Variants in HIF1AN observed in about 807,000 individuals in gnomAD.
HIF1AN encodes the protein hypoxia-inducible factor 1-alpha inhibitor.
Under a neutral mutation model 47.7 loss-of-function variants are expected in HIF1AN, and 21 were observed. The observed-to-expected ratio is 0.44, with a 90% CI of 0.31 to 0.63. The LOEUF (loss-of-function observed/expected upper bound fraction) is 0.63, where lower values mean the gene tolerates loss of function less well. Among genes scored for constraint, HIF1AN ranks in the 30% least tolerant of loss-of-function variants. HIF1AN has a pLI of 0.07. For synonymous variants in HIF1AN, 152 were observed against 155.9 expected, an observed-to-expected ratio of 0.98 and a Z score of 0.18; for missense variants, 320 against 432.7, an observed-to-expected ratio of 0.74 and a Z score of 2.31.
Position 100,549,043 on chromosome 10 carries a change from G to GTGTGTGT in HIF1AN, c.*906_*907insTGTGTGT, listed in dbSNP as rs1564664597. ...TCCACACTAGGGGTGCAAGCCTCTGGGTGTGTGTGTGTGTGTGCGTGCGTG... is the reference window on the plus strand; with the variant it reads ...TCCACACTAGGGGTGCAAGCCTCTGGTGTGTGTGTGTGTGTGTGTGTGTGCGTGCGTG... On this transcript the variant is annotated 3_prime_UTR_variant, in exon 8 of 8. Transcript: ENST00000299163. 3.6e-5 allele frequency: 4 copies of GTGTGTGT among 111,626 alleles called. No individual in the cohort carries two copies. The highest frequency in any genetic ancestry group is 1.1e-4 in the African/African-American group (3 of 27,824). 6.9% of individuals were successfully genotyped at this position (111,626 alleles called of 1,614,324 possible).
chr10:100,541,870 C>T (rs1434640774), intron 3 of HIF1AN, among the ~76,000 whole-genome samples: 1 of 152,128 alleles, frequency 6.6e-6, no homozygotes, highest in Non-Finnish European at 1.5e-5. Context: ...GTTACACAAA[C>T]CTAGATTGTG....
At chr10:100,541,760 C>A (rs974480574) in intron 3 of HIF1AN, among the ~76,000 whole-genome samples, 4 of 152,140 alleles carry the variant, frequency 2.6e-5, no homozygotes, top group Non-Finnish European at 5.9e-5. Flanking sequence ...ATATTAGGGA[C>A]CTCTCTGAAA....
Position 100,553,300 on chromosome 10 carries a change from T to A in HIF1AN, c.*5163T>A, listed in dbSNP as rs1843183400. The A allele has an allele frequency of 6.6e-6, 1 of 152,234 alleles. No individual in the cohort carries two copies. The highest frequency in any genetic ancestry group is 6.5e-5 in the Admixed American group (1 of 15,284). 9.4% of individuals were successfully genotyped at this position (152,234 alleles called of 1,614,324 possible). A position where few individuals can be genotyped will look rare whatever the true frequency, so the allele number is the denominator to read the frequency against. On this transcript the variant is annotated 3_prime_UTR_variant, in exon 8 of 8. Coordinates refer to ENST00000299163, the MANE Select transcript of HIF1AN (RefSeq NM_017902.3). ...TCTGTGTGCCTTAGGGATCAGTAGT[T>A]CAGGGGTGGTGGACTTTTTTGAGTG...
At position 100,544,938 on chromosome 10, in the gene HIF1AN, TTTC is replaced by T. The variant is rs767031602; in HGVS notation, c.578-7_578-5del. ...CCACTGCTCTGCATAAGAAAATGCCTTTCTTCTTACAGGAAATGTGACACCTGC... is the reference window on the plus strand; with the variant it reads ...CCACTGCTCTGCATAAGAAAATGCCTTTCTTACAGGAAATGTGACACCTGC... On this transcript the variant is annotated splice_polypyrimidine_tract_variant and intron_variant, in intron 3 of 7. Coordinates refer to ENST00000299163, the MANE Select transcript of HIF1AN (RefSeq NM_017902.3). The T allele has an allele frequency of 9.9e-6, 16 of 1,613,820 alleles. No homozygotes were observed. In the East Asian group the frequency reaches 3.1e-4, roughly 31 times the overall value.
At chr10:100,541,963 A>G (rs1464114203) in intron 3 of HIF1AN, among the ~76,000 whole-genome samples, 1 of 152,214 alleles carries the variant, frequency 6.6e-6, no homozygotes, top group Non-Finnish European at 1.5e-5. Flanking sequence ...ACTGTGCTGA[A>G]TATTATAGTC....
At chr10:100,542,454 C>T (rs542920835) in intron 3 of HIF1AN, among the ~76,000 whole-genome samples, 4 of 152,198 alleles carry the variant, frequency 2.6e-5, no homozygotes, top group South Asian at 4.2e-4. Context: ...CCCAGGTTCA[C>T]GCCATTCTCC....
rs1262619224 is a variant in HIF1AN at position 100,536,657 on chromosome 10, G to A, written c.424G>A (p.Glu142Lys). 6.8e-6 allele frequency: 11 copies of A among 1,613,844 alleles called. No individual in the cohort carries two copies. Among genetic ancestry groups the A allele is most frequent in the Non-Finnish European group, 9.3e-6 (11 of 1,179,928 alleles). Residue 142 changes from glutamate to lysine, a missense_variant, in exon 2 of 8, where the codon GAG becomes AAG. Coordinates refer to ENST00000299163, the MANE Select transcript of HIF1AN (RefSeq NM_017902.3). ...GGATATACAGCAGCGAGGAGGGGAA[G>A]AGAGGTAAATTCCGAAAGCTTAATT... is the stretch of plus-strand genomic sequence containing the variant. ...LQDIQQRGGE[E>K]RLYLQQTLND...
chr10:100,544,881 C>G (rs1383988394), intron 3 of HIF1AN, 70 bp from the exon 4 acceptor site: 2 of 1,477,950 alleles, frequency 1.4e-6, no homozygotes, highest in Non-Finnish European at 1.9e-6. Context: ...CTCTTTAGCA[C>G]TGGGTCCTGT....
Position 100,552,168 on chromosome 10 carries a change from CAG to C in HIF1AN, c.*4032_*4033del, listed in dbSNP as rs1431607686. 4 of 152,268 alleles carry C rather than the reference CAG, an allele frequency of 2.6e-5. No homozygotes were observed. The highest frequency in any genetic ancestry group is 9.6e-5 in the African/African-American group (4 of 41,464). The allele number at this position is 152,268 out of a possible 1,614,324, so 9.4% of individuals were successfully genotyped here. On this transcript the variant is annotated 3_prime_UTR_variant, in exon 8 of 8. Coordinates refer to ENST00000299163, the MANE Select transcript of HIF1AN (RefSeq NM_017902.3). ...CTGCTGTCCTTTCAAACTTCAAGGA[CAG>C]TATTAATTTATACTAGTATTTCTTC...
Position 100,551,110 on chromosome 10 carries a change from T to C in HIF1AN, c.*2973T>C, listed in dbSNP as rs1181142385. 6.6e-6 allele frequency: 1 copy of C among 152,040 alleles called. No individual in the cohort carries two copies. The highest frequency in any genetic ancestry group is 6.6e-5 in the Admixed American group (1 of 15,264). 9.4% of individuals were successfully genotyped at this position (152,040 alleles called of 1,614,324 possible). ...CTAGTGTTTTGTAAAGTCAAATATT[T>C]GTTGGGGGTTGGAGTTCTGGGGTTG... On this transcript the variant is annotated 3_prime_UTR_variant, in exon 8 of 8. Transcript: ENST00000299163.
At chr10:100,542,552 T>C (rs1843048257) in intron 3 of HIF1AN, among the ~76,000 whole-genome samples, 2 of 152,136 alleles carry the variant, frequency 1.3e-5, no homozygotes. Context: ...AGATGGGGTT[T>C]CACCGTGTTA....
rs1216285885 is a variant in HIF1AN, at chr10:100,555,107, G to A, written c.*6970G>A. 6.6e-6 allele frequency: 1 copy of A among 152,210 alleles called. No homozygotes were observed. Among genetic ancestry groups the A allele is most frequent in the Non-Finnish European group, 1.5e-5 (1 of 68,042 alleles). The allele number at this position is 152,210 out of a possible 1,614,324, so 9.4% of individuals were successfully genotyped here. A position where few individuals can be genotyped will look rare whatever the true frequency, so the allele number is the denominator to read the frequency against. ...GTGGAAGATGAATAATTAACCAGAG[G>A]TTGGGGGATTTCCCCCTTAGCTTCT... On this transcript the variant is annotated 3_prime_UTR_variant, in exon 8 of 8. Coordinates refer to ENST00000299163, the MANE Select transcript of HIF1AN (RefSeq NM_017902.3).
chr10:100,542,505 C>T (rs1371659662), intron 3 of HIF1AN, among the ~76,000 whole-genome samples: 1 of 152,096 alleles, frequency 6.6e-6, no homozygotes, highest in African/African-American at 2.4e-5. Context: ...GGGCGCCCGC[C>T]ACCACACCTG....
At chr10:100,541,249 G>C (rs1843025090) in intron 3 of HIF1AN, among the ~76,000 whole-genome samples, 1 of 151,912 alleles carries the variant, frequency 6.6e-6, no homozygotes, top group Admixed American at 6.6e-5. Flanking sequence ...AATAGGGCCA[G>C]GCATGGTAGC....
rs892500091 is a variant in HIF1AN at position 100,555,081 on chromosome 10, T to C, written c.*6944T>C. 7 of 152,182 alleles carry C rather than the reference T, an allele frequency of 4.6e-5. No individual in the cohort carries two copies. The highest frequency in any genetic ancestry group is 2.6e-4 in the Admixed American group (4 of 15,282). 9.4% of individuals were successfully genotyped at this position (152,182 alleles called of 1,614,324 possible). A position where few individuals can be genotyped will look rare whatever the true frequency, so the allele number is the denominator to read the frequency against. On this transcript the variant is annotated 3_prime_UTR_variant, in exon 8 of 8. Coordinates refer to ENST00000299163, the MANE Select transcript of HIF1AN (RefSeq NM_017902.3). ...AGAAAGTGATAAGTCCAAGCTGATA[T>C]GTGGAAGATGAATAATTAACCAGAG...
At chr10:100,537,433 T>C (rs1445088549) in intron 2 of HIF1AN, among the ~76,000 whole-genome samples, 1 of 152,260 alleles carries the variant, frequency 6.6e-6, no homozygotes, top group African/African-American at 2.4e-5. Flanking sequence ...TTAAGTATTG[T>C]GATGACTGAG....
intron 3 of HIF1AN, among the ~76,000 whole-genome samples, chr10:100,543,734 G>A (rs1843068155): frequency 6.6e-6 from 1 of 152,106 alleles, no homozygotes; most frequent in African/African-American, 2.4e-5. Context: ...ACCACGCCCG[G>A]CTAATTGTTT....
At chr10:100,544,398 GA>G (rs1843075019) in intron 3 of HIF1AN, among the ~76,000 whole-genome samples, 1 of 152,216 alleles carries the variant, frequency 6.6e-6, no homozygotes, top group Non-Finnish European at 1.5e-5. Flanking sequence ...GCAACGTGGT[GA>G]AACCCCATCT....
rs370894479 is a variant in HIF1AN, at chr10:100,536,050, A to G, written c.92A>G (p.Gln31Arg). 3.7e-6 allele frequency: 6 copies of G among 1,611,294 alleles called. No homozygotes were observed. Among genetic ancestry groups the G allele is most frequent in the Admixed American group, 1.7e-5 (1 of 59,806 alleles). ...GALGPAWDESQLRSYSFPTRP... is the reference protein window; with the variant it reads ...GALGPAWDESRLRSYSFPTRP... ...CTCGGCCCCGCCTGGGATGAATCCC[A>G]GTTGCGCAGTTATAGCTTCCCGACT... Residue 31 changes from glutamine to arginine, a missense_variant, in exon 1 of 8, where the codon CAG becomes CGG. Coordinates refer to ENST00000299163, the MANE Select transcript of HIF1AN (RefSeq NM_017902.3).
Sources: allele counts gnomAD v4.1 joint callset (sites outside exome capture counted in the v4.1 genomes callset), GRCh38; gene constraint gnomAD v4.1.1; transcripts MANE v1.5; gene names NCBI Gene and HGNC (gene_info 2026-07-23, HGNC 2026-07-21).